The following TESC variants were observed in gnomAD, a reference collection of about 807,000 sequenced individuals.
TESC encodes the protein calcineurin B homologous protein 3.
Under a neutral mutation model 31.0 loss-of-function variants are expected in TESC, and 19 were observed. The ratio of observed to expected loss-of-function variants is 0.61; its 90% CI spans 0.43 to 0.90. TESC has a LOEUF of 0.90. Ranked by LOEUF, TESC falls within the 40% of genes least tolerant of loss-of-function variation. TESC has a pLI of 0.00. For missense variants in TESC, 248 were observed against 303.8 expected, an observed-to-expected ratio of 0.82 and a Z score of 1.36; for synonymous variants, 109 against 114.8, an observed-to-expected ratio of 0.95 and a Z score of 0.32.
chr12:117,056,628 G>T lies in TESC; in HGVS notation c.209+178C>A, dbSNP rs531674992. ...CTAGAGAGCTTGAGTGAGCAGCCCA[G>T]TCGCCCAGCTATGAATCCAGAATGG... On this transcript the variant is annotated intron_variant, in intron 3 of 7. Coordinates refer to ENST00000335209, the MANE Select transcript of TESC (RefSeq NM_017899.4). Among the ~76,000 whole-genome samples the T allele has an allele frequency of 2.0e-4, 30 of 152,324 alleles. 1 individual carries two copies. The South Asian group carries it at 5.8e-3, about 29-fold the overall frequency.
At chr12:117,061,821 G>A (rs1954804053) in intron 2 of TESC, among the ~76,000 whole-genome samples, 1 of 152,164 alleles carries the variant, frequency 6.6e-6, no homozygotes. Flanking sequence ...ACAAGGTGGG[G>A]AGAGGGGTGC....
At chr12:117,062,423 T>C (rs368364696) in intron 2 of TESC, among the ~76,000 whole-genome samples, 2 of 152,162 alleles carry the variant, frequency 1.3e-5, no homozygotes, top group East Asian at 3.9e-4. Context: ...GGTTTCACCA[T>C]GTTGGCCAGG....
intron 1 of TESC, among the ~76,000 whole-genome samples, chr12:117,088,056 G>A (rs1170970383): frequency 3.3e-5 from 5 of 152,150 alleles, no homozygotes; most frequent in African/African-American, 1.2e-4. Flanking sequence ...AGGTCACACA[G>A]CTAGGAGCAG....
At chr12:117,080,753 C>A (rs371643038) in intron 1 of TESC, among the ~76,000 whole-genome samples, 2 of 152,212 alleles carry the variant, frequency 1.3e-5, no homozygotes, top group Non-Finnish European at 2.9e-5. Context: ...AACTGCGCCC[C>A]CCCAACCCCT....
At chr12:117,075,869 A>ATATATG (rs1955049402) in intron 1 of TESC, among the ~76,000 whole-genome samples, 8 of 31,442 alleles carry the variant, frequency 2.5e-4, no homozygotes, top group African/African-American at 5.8e-4. Context: ...ATATATATAT[A>ATATATG]TGTGTGTATA....
At chr12:117,046,949 C>A in intron 4 of TESC, 111 bp from the exon 5 acceptor site, 1 of 1,194,344 alleles carries the variant, frequency 8.4e-7, no homozygotes, top group Non-Finnish European at 1.2e-6. Context: ...ACCTCAATGC[C>A]AAAGCCAGAG....
chr12:117,084,663 G>A (rs552306764), intron 1 of TESC, among the ~76,000 whole-genome samples: 2 of 152,346 alleles, frequency 1.3e-5, no homozygotes, highest in African/African-American at 4.8e-5. Flanking sequence ...GGGAGGATGG[G>A]AGGGGCCCAG....
At chr12:117,049,393 A>T (rs1032964583) in intron 3 of TESC, among the ~76,000 whole-genome samples, 5 of 152,216 alleles carry the variant, frequency 3.3e-5, no homozygotes, top group African/African-American at 1.2e-4. Flanking sequence ...GAGGTGGAAG[A>T]GAGAGAGACA....
chr12:117,085,037 G>T (rs920360492), intron 1 of TESC, among the ~76,000 whole-genome samples: 2 of 152,230 alleles, frequency 1.3e-5, no homozygotes, highest in African/African-American at 4.8e-5. Context: ...GACAGTAAAC[G>T]CTGCTTCAGC....
At chr12:117,069,102 T>A (rs890280744) in intron 2 of TESC, among the ~76,000 whole-genome samples, 1 of 152,020 alleles carries the variant, frequency 6.6e-6, no homozygotes, top group Non-Finnish European at 1.5e-5. Flanking sequence ...AAATTCCTTT[T>A]TTTTTTTTCT....
At chr12:117,094,885 G>C (rs956103722) in intron 1 of TESC, among the ~76,000 whole-genome samples, 17 of 151,266 alleles carry the variant, frequency 1.1e-4, no homozygotes. Context: ...GCATGGTGGC[G>C]GGCACCTGTA....
At chr12:117,091,698 A>G (rs1033799386) in intron 1 of TESC, among the ~76,000 whole-genome samples, 2 of 151,852 alleles carry the variant, frequency 1.3e-5, no homozygotes, top group Non-Finnish European at 2.9e-5. Flanking sequence ...CGTGGTCCCC[A>G]CTCCCCTCCC....
intron 3 of TESC, among the ~76,000 whole-genome samples, chr12:117,053,048 C>T (rs1954670676): frequency 6.6e-6 from 1 of 152,232 alleles, no homozygotes; most frequent in South Asian, 2.1e-4. Flanking sequence ...CTGCCTAGCT[C>T]CCTCCTCAGG....
chr12:117,048,488 G>A (rs113240060), intron 4 of TESC, among the ~76,000 whole-genome samples: 6 of 152,292 alleles, frequency 3.9e-5, no homozygotes, highest in African/African-American at 7.2e-5. Context: ...GGACCTGTGC[G>A]GCTGGCCAGC....
At chr12:117,086,743 T>A (rs897439262) in intron 1 of TESC, among the ~76,000 whole-genome samples, 1 of 152,198 alleles carries the variant, frequency 6.6e-6, no homozygotes, top group African/African-American at 2.4e-5. Context: ...CAACCTAAAA[T>A]GGTAAATTTT....
chr12:117,045,197 C>T (rs757300853), intron 6 of TESC, among the ~76,000 whole-genome samples: 3 of 152,230 alleles, frequency 2.0e-5, no homozygotes, highest in Non-Finnish European at 4.4e-5. Context: ...CTCTGCCTTG[C>T]AGCCGTCTTC....
At chr12:117,079,308 T>C (rs1422962744) in intron 1 of TESC, among the ~76,000 whole-genome samples, 1 of 152,118 alleles carries the variant, frequency 6.6e-6, no homozygotes, top group African/African-American at 2.4e-5. Flanking sequence ...ATGCCTGTAA[T>C]ACCAGCACTT....
At chr12:117,075,426 C>T (rs1955037040) in intron 1 of TESC, 86 bp from the exon 2 acceptor site, 2 of 1,444,274 alleles carry the variant, frequency 1.4e-6, no homozygotes, top group African/African-American at 2.8e-5. Context: ...TCTTTTGCCC[C>T]ATCCCCACTG....
At chr12:117,053,497 C>G (rs1025217377) in intron 3 of TESC, among the ~76,000 whole-genome samples, 6 of 152,186 alleles carry the variant, frequency 3.9e-5, no homozygotes, top group South Asian at 2.1e-4. Flanking sequence ...CAAGTGACAA[C>G]TGACAGCCAA....
Sources: allele counts gnomAD v4.1 joint callset (sites outside exome capture counted in the v4.1 genomes callset), GRCh38; gene constraint gnomAD v4.1.1; transcripts MANE v1.5; gene names NCBI Gene and HGNC (gene_info 2026-07-23, HGNC 2026-07-21).